The following SAMD4A variants were observed in gnomAD, a reference collection of about 807,000 sequenced individuals.
SAMD4A encodes sterile alpha motif domain containing 4A.
In SAMD4A, 33 loss-of-function variants were observed where a neutral mutation model predicts 81.3. That is an observed-to-expected ratio of 0.41 (90% CI 0.31 to 0.54). The LOEUF is 0.54. Ranked by LOEUF, SAMD4A falls within the 20% of genes least tolerant of loss-of-function variation. The pLI is 0.37. For missense variants in SAMD4A, 854 were observed against 951.1 expected (o/e 0.90, Z 1.34); for synonymous variants, 389 against 382.1 (o/e 1.02, Z -0.21).
intron 12 of SAMD4A, among the ~76,000 whole-genome samples, chr14:54,786,801 T>G (rs1367333406): frequency 6.6e-6 from 1 of 152,228 alleles, no homozygotes; most frequent in Non-Finnish European, 1.5e-5. Flanking sequence ...AAAGACTTCG[T>G]TTTTTTCAGT....
intron 2 of SAMD4A, among the ~76,000 whole-genome samples, chr14:54,580,247 C>T (rs946466134): frequency 6.6e-6 from 1 of 152,150 alleles, no homozygotes; most frequent in Non-Finnish European, 1.5e-5. Context: ...TGAATGACTT[C>T]TTGTGCTGGA....
At chr14:54,776,296 C>G (rs1361470658) in intron 10 of SAMD4A, 118 bp from the exon 11 acceptor site, 1 of 1,076,820 alleles carries the variant, frequency 9.3e-7, no homozygotes, top group Non-Finnish European at 1.3e-6. Flanking sequence ...CCTGCAAGCC[C>G]CTTTTCTAGA....
chr14:54,593,330 G>A (rs1378929220), intron 2 of SAMD4A, among the ~76,000 whole-genome samples: 4 of 152,018 alleles, frequency 2.6e-5, no homozygotes, highest in Admixed American at 6.5e-5. Flanking sequence ...TATTAGTTTC[G>A]TATTCTGGGG....
chr14:54,697,938 C>T (rs1012661950), intron 2 of SAMD4A, among the ~76,000 whole-genome samples: 5 of 152,196 alleles, frequency 3.3e-5, no homozygotes, highest in Non-Finnish European at 7.3e-5. Context: ...TGCATGATGT[C>T]ACAACATGGC....
intron 2 of SAMD4A, among the ~76,000 whole-genome samples, chr14:54,699,096 C>T (rs1260973572): frequency 6.6e-6 from 1 of 152,198 alleles, no homozygotes; most frequent in Non-Finnish European, 1.5e-5. Flanking sequence ...CTAGCCACCT[C>T]TGATTACAGT....
intron 3 of SAMD4A, chr14:54,734,887 C>T (rs963714497): frequency 2.0e-5 from 3 of 152,244 alleles, no homozygotes; most frequent in African/African-American, 7.2e-5. Context: ...AAGAGTCCCA[C>T]TGTCTCTGAG....
intron 2 of SAMD4A, among the ~76,000 whole-genome samples, chr14:54,695,624 C>T (rs927556187): frequency 6.6e-6 from 1 of 152,168 alleles, no homozygotes. Context: ...CAATGGAGGC[C>T]ACCCTGGAAG....
At chr14:54,620,648 A>T (rs907710111) in intron 2 of SAMD4A, among the ~76,000 whole-genome samples, 1 of 152,226 alleles carries the variant, frequency 6.6e-6, no homozygotes, top group Non-Finnish European at 1.5e-5. Flanking sequence ...AATTGAAATT[A>T]AACCAGGCAG....
At chr14:54,788,147 G>A (rs374351733) in intron 12 of SAMD4A, among the ~76,000 whole-genome samples, 2 of 152,178 alleles carry the variant, frequency 1.3e-5, no homozygotes, top group African/African-American at 4.8e-5. Flanking sequence ...AGACATCTCT[G>A]CCTTTGATCA....
At chr14:54,693,355 C>G (rs1431843619) in intron 2 of SAMD4A, 3 of 152,104 alleles carry the variant, frequency 2.0e-5, no homozygotes, top group Admixed American at 1.3e-4. Context: ...TAGGAAATAC[C>G]TAACATTTTG....
intron 2 of SAMD4A, among the ~76,000 whole-genome samples, chr14:54,635,588 A>G (rs1402976212): frequency 6.9e-6 from 1 of 145,360 alleles, no homozygotes; most frequent in African/African-American, 2.8e-5. Context: ...TCTCTACTAA[A>G]AATACAAAAA....
intron 2 of SAMD4A, among the ~76,000 whole-genome samples, chr14:54,606,676 A>G (rs2034214622): frequency 6.6e-6 from 1 of 152,318 alleles, no homozygotes; most frequent in Admixed American, 6.5e-5. Context: ...TGTCCATTTC[A>G]AAGATTTAGT....
intron 2 of SAMD4A, among the ~76,000 whole-genome samples, chr14:54,581,516 T>C (rs1352830491): frequency 2.0e-5 from 3 of 152,238 alleles, no homozygotes; most frequent in African/African-American, 7.2e-5. Context: ...GTTAAGTTTG[T>C]ATTCACTTTC....
At chr14:54,690,692 A>G (rs1241556130) in intron 2 of SAMD4A, among the ~76,000 whole-genome samples, 1 of 152,244 alleles carries the variant, frequency 6.6e-6, no homozygotes, top group African/African-American at 2.4e-5. Context: ...TAGGCCATAT[A>G]CATTGATAGG....
intron 2 of SAMD4A, among the ~76,000 whole-genome samples, chr14:54,572,637 G>C (rs2033162459): frequency 6.6e-6 from 1 of 152,186 alleles, no homozygotes; most frequent in South Asian, 2.1e-4. Flanking sequence ...TCATAGGAGG[G>C]CATAAGTTGT....
At chr14:54,741,932 C>A (rs1424253218) in intron 4 of SAMD4A, among the ~76,000 whole-genome samples, 2 of 152,070 alleles carry the variant, frequency 1.3e-5, no homozygotes, top group Non-Finnish European at 2.9e-5. Flanking sequence ...AGACCCTGGG[C>A]CTTGCAAAGG....
chr14:54,716,617 C>T (rs1209135902), intron 3 of SAMD4A, among the ~76,000 whole-genome samples: 1 of 152,168 alleles, frequency 6.6e-6, no homozygotes, highest in African/African-American at 2.4e-5. Context: ...TTTGCCGGAA[C>T]TCTTAAATGG....
At chr14:54,684,023 A>C (rs912806333) in intron 2 of SAMD4A, among the ~76,000 whole-genome samples, 5 of 152,234 alleles carry the variant, frequency 3.3e-5, no homozygotes, top group Non-Finnish European at 7.3e-5. Flanking sequence ...AAGAAGGTAG[A>C]GATTTTAAAG....
chr14:54,605,169 T>A (rs1486798647), intron 2 of SAMD4A, among the ~76,000 whole-genome samples: 1 of 152,092 alleles, frequency 6.6e-6, no homozygotes, highest in Non-Finnish European at 1.5e-5. Flanking sequence ...ACAGCGGGGG[T>A]AGCTTCCCTG....
Sources: gnomAD v4.1 joint callset for allele counts (sites outside exome capture counted in the v4.1 genomes callset) on GRCh38, gnomAD v4.1.1 for gene constraint, MANE v1.5 for transcripts, NCBI Gene and HGNC (gene_info 2026-07-23, HGNC 2026-07-21) for gene names.